Variants in NOX5 observed in about 807,000 individuals in gnomAD.
NOX5 encodes the protein NADPH oxidase 5.
NOX5 carries 76 observed loss-of-function variants against 85.7 expected under a neutral mutation model. That is an observed-to-expected ratio of 0.89 (90% CI 0.74 to 1.07). NOX5 has a LOEUF of 1.07. Among genes scored for constraint, NOX5 ranks in the 50% least tolerant of loss-of-function variants. The pLI, the probability that NOX5 is intolerant of heterozygous loss-of-function variation, is 0.00. For synonymous variants in NOX5, 405 were observed against 401.4 expected (o/e 1.01, Z -0.11); for missense variants, 973 against 999.5 (o/e 0.97, Z 0.36).
In NOX5 at chr15:69,055,378, A is replaced by C; in HGVS notation, c.2044A>C (p.Lys682Gln). The C allele has an allele frequency of 6.2e-7, 1 of 1,614,232 alleles. No homozygotes were observed. The highest frequency in any genetic ancestry group is 8.5e-7 in the Non-Finnish European group (1 of 1,180,044). ...TATGTACATGACATCTGCACTGGGC[A>C]AGAATGACATGAAGGCCATTGGCCT... ...LHMYMTSALG[K>Q]NDMKAIGLQM... Residue 682 changes from lysine to glutamine, a missense_variant, in exon 15 of 16, where the codon AAG becomes CAG. Physicochemically the swap from Lys to Gln is moderately conservative, Grantham distance 53. Transcript: ENST00000388866.
chr15:69,025,354 G>C (rs1037536372), intron 1 of NOX5, among the ~76,000 whole-genome samples: 1 of 151,668 alleles, frequency 6.6e-6, no homozygotes, highest in African/African-American at 2.4e-5. Flanking sequence ...TTATGGTTGG[G>C]AGCCGTTTTA....
intron 8 of NOX5, 152 bp from the exon 9 acceptor site, chr15:69,038,705 G>A (rs2050553320): frequency 2.9e-6 from 3 of 1,037,470 alleles, no homozygotes; most frequent in Admixed American, 4.8e-5. Flanking sequence ...TGCTGAGGTG[G>A]GCCACCACTC....
intron 1 of NOX5, among the ~76,000 whole-genome samples, chr15:69,017,455 C>T (rs544148608): frequency 2.6e-4 from 40 of 152,244 alleles, no homozygotes; most frequent in Admixed American, 5.2e-4. Flanking sequence ...GCCGGCCAGA[C>T]GTTCCTAAGT....
At position 69,055,453 on chromosome 15, in the gene NOX5, AC is replaced by A; in HGVS notation, c.2120del (p.Thr707ArgfsTer43). ...LANKEKKDSITGLQTRTQPGR... is the reference protein window; with the variant it reads ...LANKEKKDSIXGLQTRTQPGR... ...CAACAAGGAGAAGAAAGACTCCATC[AC>A]GGGGCTGCAGACGCGCACCCAGCCT... On this transcript the variant is annotated frameshift_variant, in exon 15 of 16. Transcript: ENST00000388866. LOFTEE classifies it high-confidence loss of function. The A allele has an allele frequency of 6.2e-7, 1 of 1,614,184 alleles. No individual in the cohort carries two copies. The highest frequency in any genetic ancestry group is 8.5e-7 in the Non-Finnish European group (1 of 1,180,048).
At chr15:69,029,315 G>A (rs1051932501) in intron 3 of NOX5, 2 of 152,182 alleles carry the variant, frequency 1.3e-5, no homozygotes, top group African/African-American at 4.8e-5. Context: ...CTGTGTCATA[G>A]CATGTGACAG....
rs1203350540 is a variant in NOX5 at position 69,061,043 on chromosome 15, A to G, written c.*4347A>G. On this transcript the variant is annotated 3_prime_UTR_variant, in exon 16 of 16. Transcript: ENST00000388866. Reference sequence around the variant, plus strand: ...TGTTTTCCTCTTATCTGTTTCCTGTATTTGTGTGTTACCTGAGTAAGGTTT... The same window carrying G: ...TGTTTTCCTCTTATCTGTTTCCTGTGTTTGTGTGTTACCTGAGTAAGGTTT... 2 of 152,172 alleles carry G rather than the reference A, an allele frequency of 1.3e-5. No homozygotes were observed. The highest frequency in any genetic ancestry group is 4.8e-5 in the African/African-American group (2 of 41,428). 9.4% of individuals were successfully genotyped at this position (152,172 alleles called of 1,614,324 possible).
chr15:69,018,437 T>C (rs531597013), intron 1 of NOX5, among the ~76,000 whole-genome samples: 1 of 152,270 alleles, frequency 6.6e-6, no homozygotes, highest in African/African-American at 2.4e-5. Flanking sequence ...TATTTTAACC[T>C]AGAAAACGCT....
At position 69,042,701 on chromosome 15, in the gene NOX5, A is replaced by G. The variant is rs781712511; in HGVS notation, c.1543A>G (p.Thr515Ala). The G allele has an allele frequency of 6.2e-6, 10 of 1,613,900 alleles. No homozygotes were observed. The African/African-American group carries it at 1.3e-4, about 22-fold the overall frequency. Residue 515 changes from threonine to alanine, a missense_variant, in exon 10 of 16, where the codon ACA (threonine) becomes GCA (alanine). Thr to Ala is a moderately conservative substitution (Grantham distance 58). Coordinates refer to ENST00000388866, the MANE Select transcript of NOX5 (RefSeq NM_024505.4). ...GCACATTCGGTCCCAAGGCCAGTGG[A>G]CAAACAGGCTGTATGAGTCCTTCAA... The part of the protein sequence containing the change: ...WLHIRSQGQW[T>A]NRLYESFKAS...
At chr15:69,041,344 A>G (rs1263464723) in intron 9 of NOX5, among the ~76,000 whole-genome samples, 2 of 152,230 alleles carry the variant, frequency 1.3e-5, no homozygotes, top group Non-Finnish European at 2.9e-5. Context: ...CTCATAAACT[A>G]TGAAGCACCT....
At chr15:69,024,443 C>T (rs1158487162) in intron 1 of NOX5, among the ~76,000 whole-genome samples, 1 of 152,062 alleles carries the variant, frequency 6.6e-6, no homozygotes, top group Non-Finnish European at 1.5e-5. Context: ...TCTGCTCTGT[C>T]CCACCTTGGT....
Position 69,033,155 on chromosome 15 carries a change from T to TA in NOX5, c.734dup (p.Tyr245Ter). The TA allele has an allele frequency of 6.3e-7, 1 of 1,579,228 alleles. No individual in the cohort carries two copies. The highest frequency in any genetic ancestry group is 8.6e-7 in the Non-Finnish European group (1 of 1,169,470). The change falls in exon 5 of 16, where the codon TAT (tyrosine) becomes TAAT (stop). Residue 245 changes from tyrosine to a stop codon, truncating the protein, a stop_gained and frameshift_variant. Coordinates refer to ENST00000388866, the MANE Select transcript of NOX5 (RefSeq NM_024505.4). LOFTEE classifies it high-confidence loss of function. ...CAGCCAGCTGTTCTGCCTGGCCACC[T>TA]ATGCAGGCCTCCACGTGCTGCTCTT... ...HRSQLFCLAT[Y>*]AGLHVLLFGL...
intron 5 of NOX5, among the ~76,000 whole-genome samples, chr15:69,033,701 C>CTTTTTTTTTT (rs570603838): frequency 1.0e-4 from 12 of 119,282 alleles, no homozygotes; most frequent in East Asian, 2.6e-4. Flanking sequence ...TCTTTTTTTT[C>CTTTTTTTTTT]TTTTTTTTTT....
intron 14 of NOX5, among the ~76,000 whole-genome samples, chr15:69,051,187 C>G (rs929373623): frequency 4.1e-5 from 6 of 147,034 alleles, no homozygotes; most frequent in African/African-American, 1.6e-4. Context: ...GTTTCTGTCT[C>G]CTCTCCTCTC....
rs746301667 is a variant in NOX5, at chr15:69,035,841, G to A, written c.1093G>A (p.Gly365Ser). 4.3e-5 allele frequency: 70 copies of A among 1,614,084 alleles called. No homozygotes were observed. The highest frequency in any genetic ancestry group is 1.6e-4 in the Middle Eastern group (1 of 6,084). Residue 365 changes from glycine (G) to serine (S), a missense_variant, in exon 7 of 16, where the codon GGT (glycine) becomes AGT (serine). Gly to Ser is a moderately conservative substitution (Grantham distance 56, BLOSUM62 0). Coordinates refer to ENST00000388866, the MANE Select transcript of NOX5 (RefSeq NM_024505.4). ...GAGGCCTGGCATTGGCTGGGTACAC[G>A]GTTCGGCCTCCCCGACAGGTGTCGC... Reference protein sequence around the residue: ...TTRPGIGWVHGSASPTGVALL... With the variant: ...TTRPGIGWVHSSASPTGVALL...
chr15:69,041,948 C>T (rs2050599972), intron 9 of NOX5, among the ~76,000 whole-genome samples: 1 of 151,696 alleles, frequency 6.6e-6, no homozygotes, highest in Admixed American at 6.6e-5. Context: ...AATTCTTGTA[C>T]TCCCAATGTG....
At chr15:69,055,529 C>G in intron 15 of NOX5, 29 bp downstream of exon 15, 2 of 1,609,006 alleles carry the variant, frequency 1.2e-6, no homozygotes, top group Middle Eastern at 1.8e-4. Context: ...CTGCAGCTTG[C>G]AGGTATGGAT....
At chr15:69,022,146 A>G (rs1026643835) in intron 1 of NOX5, 4 of 155,382 alleles carry the variant, frequency 2.6e-5, no homozygotes, top group Non-Finnish European at 5.9e-5. Context: ...GTTAAACCCA[A>G]GTGCTATTAA....
In NOX5 at chr15:69,055,592, G is replaced by A. The variant is rs2050802855; in HGVS notation, c.2166+92G>A. The A allele has an allele frequency of 2.1e-6, 3 of 1,443,630 alleles. No homozygotes were observed. The South Asian group carries it at 3.9e-5, about 19-fold the overall frequency. 89.4% of individuals were successfully genotyped at this position (1,443,630 alleles called of 1,614,324 possible). On this transcript the variant is annotated intron_variant, in intron 15 of 15. Transcript: ENST00000388866. ...GGAGACGAGGCCCAAGCTGTCAGGGGCAAAGTGTGAGGTTAAGTCCAGAGT... is the reference window on the plus strand; with the variant it reads ...GGAGACGAGGCCCAAGCTGTCAGGGACAAAGTGTGAGGTTAAGTCCAGAGT...
chr15:69,021,708 A>G (rs1461029701), intron 1 of NOX5, among the ~76,000 whole-genome samples: 1 of 152,108 alleles, frequency 6.6e-6, no homozygotes, highest in Admixed American at 6.6e-5. Context: ...TCCACCAAAC[A>G]TTTGCACACA....
Sources: gnomAD v4.1 joint callset for allele counts (sites outside exome capture counted in the v4.1 genomes callset) on GRCh38, gnomAD v4.1.1 for gene constraint, MANE v1.5 for transcripts, NCBI Gene and HGNC (gene_info 2026-07-23, HGNC 2026-07-21) for gene names.